Variants in MAN2A1 observed in about 807,000 individuals in gnomAD.
MAN2A1 encodes the protein alpha-mannosidase 2.
A neutral mutation model predicts 142.6 loss-of-function variants in MAN2A1; 76 were observed. That is an observed-to-expected ratio of 0.53 (90% CI 0.44 to 0.65). The LOEUF (loss-of-function observed/expected upper bound fraction) is 0.65. MAN2A1 is among the 30% of genes least tolerant of loss of function. MAN2A1 has a pLI of 0.00. For missense variants in MAN2A1, 1,311 were observed against 1,365.1 expected (o/e 0.96, Z 0.62); for synonymous variants, 559 against 473.2 (o/e 1.18, Z -2.35).
At chr5:109,847,289 A>G (rs1755367457) in intron 18 of MAN2A1, among the ~76,000 whole-genome samples, 1 of 152,116 alleles carries the variant, frequency 6.6e-6, no homozygotes, top group Non-Finnish European at 1.5e-5. Flanking sequence ...CCTCATAAGC[A>G]TTTTTGATTC....
At chr5:109,761,861 A>G (rs948336997) in intron 5 of MAN2A1, among the ~76,000 whole-genome samples, 35 of 152,060 alleles carry the variant, frequency 2.3e-4, no homozygotes, top group African/African-American at 8.2e-4. Flanking sequence ...TAAAATGTAA[A>G]TTGTATTATT....
At chr5:109,858,995 C>G (rs1755691723) in intron 20 of MAN2A1, among the ~76,000 whole-genome samples, 1 of 152,176 alleles carries the variant, frequency 6.6e-6, no homozygotes, top group African/African-American at 2.4e-5. Flanking sequence ...AACATAGAGA[C>G]TTTTACAGAT....
intron 9 of MAN2A1, among the ~76,000 whole-genome samples, chr5:109,783,495 T>C (rs1370460449): frequency 2.6e-5 from 4 of 152,188 alleles, no homozygotes; most frequent in Non-Finnish European, 5.9e-5. Context: ...TCAAGCTTAG[T>C]GATTGTTACT....
chr5:109,713,563 G>C lies in MAN2A1; in HGVS notation c.179G>C (p.Arg60Pro). The C allele has an allele frequency of 6.2e-7, 1 of 1,613,330 alleles. No individual in the cohort carries two copies. The highest frequency in any genetic ancestry group is 8.5e-7 in the Non-Finnish European group (1 of 1,179,376). Reference protein sequence around the residue: ...MLQEKIDHLERLLAENNEIIS... With the variant: ...MLQEKIDHLEPLLAENNEIIS... ...CAAGAAAAAATAGACCATTTGGAGCGTTTGCTAGCTGAGAATAATGAGATC... is the reference window on the plus strand; with the variant it reads ...CAAGAAAAAATAGACCATTTGGAGCCTTTGCTAGCTGAGAATAATGAGATC... Residue 60 changes from arginine (R) to proline (P), a missense_variant, in exon 2 of 22, where the codon CGT (arginine) becomes CCT (proline). Arg to Pro is a moderately radical substitution (Grantham distance 103). Transcript: ENST00000261483.
intron 10 of MAN2A1, among the ~76,000 whole-genome samples, chr5:109,786,601 T>C (rs570443393): frequency 3.9e-5 from 6 of 152,208 alleles, no homozygotes; most frequent in African/African-American, 1.4e-4. Flanking sequence ...TTTGCTATGT[T>C]AGTACTTCAC....
At chr5:109,799,315 T>C (rs1241058223) in intron 12 of MAN2A1, among the ~76,000 whole-genome samples, 2 of 152,208 alleles carry the variant, frequency 1.3e-5, no homozygotes, top group Non-Finnish European at 2.9e-5. Flanking sequence ...TCGCATCATC[T>C]CTTGCATCAG....
Position 109,845,978 on chromosome 5 carries a change from G to T in MAN2A1, c.2814G>T (p.Gln938His). The T allele has an allele frequency of 6.2e-7, 1 of 1,613,342 alleles. No homozygotes were observed. The highest frequency in any genetic ancestry group is 1.1e-5 in the South Asian group (1 of 90,982). ...AKHRLTLLSA[Q>H]SLGVSSLNSG... ...ATCGTTTGACACTGCTCTCTGCTCA[G>T]TCATTAGGGGTTTCGAGTTTGAATA... The change falls in exon 18 of 22, where the codon CAG becomes CAT. Residue 938 changes from glutamine to histidine, a missense_variant. This residue lies in a region of MAN2A1 where 890 missense variants were observed against 920.5 expected (regional missense o/e 0.97). Transcript: ENST00000261483.
chr5:109,741,392 A>G (rs138266917), intron 4 of MAN2A1, among the ~76,000 whole-genome samples: 2 of 152,286 alleles, frequency 1.3e-5, no homozygotes, highest in East Asian at 3.9e-4. Flanking sequence ...ATGTTTTTGG[A>G]GGAAAACTTA....
intron 7 of MAN2A1, among the ~76,000 whole-genome samples, chr5:109,774,102 C>T (rs1165314740): frequency 1.3e-5 from 2 of 152,098 alleles, no homozygotes; most frequent in African/African-American, 4.8e-5. Flanking sequence ...TGGTTAGAGT[C>T]CAGAGAAGTA....
chr5:109,847,900 A>T (rs1755383166), intron 19 of MAN2A1, 110 bp downstream of exon 19: 4 of 779,388 alleles, frequency 5.1e-6, no homozygotes, highest in Non-Finnish European at 7.3e-6. Context: ...CAATATTGAG[A>T]TTTCTTTATA....
chr5:109,793,681 T>C (rs1368620787), intron 12 of MAN2A1, among the ~76,000 whole-genome samples: 2 of 152,208 alleles, frequency 1.3e-5, no homozygotes, highest in African/African-American at 4.8e-5. Flanking sequence ...ATTTTAGTTT[T>C]ATACCATGAG....
intron 1 of MAN2A1, among the ~76,000 whole-genome samples, chr5:109,701,234 A>C (rs1181726994): frequency 6.6e-6 from 1 of 152,218 alleles, no homozygotes; most frequent in African/African-American, 2.4e-5. Context: ...GGCCTGGCTT[A>C]AGTTGACTAA....
chr5:109,827,411 C>T (rs779674765), intron 16 of MAN2A1, among the ~76,000 whole-genome samples: 30 of 152,272 alleles, frequency 2.0e-4, no homozygotes, highest in African/African-American at 5.1e-4. Flanking sequence ...TGTTCTTTGA[C>T]CCTTTTCTCC....
chr5:109,808,243 T>G (rs1484832370), intron 12 of MAN2A1, among the ~76,000 whole-genome samples: 2 of 152,208 alleles, frequency 1.3e-5, no homozygotes, highest in Non-Finnish European at 2.9e-5. Flanking sequence ...AATTTGTTTG[T>G]TTTTGATGTT....
At chr5:109,742,463 T>C (rs772371821) in intron 4 of MAN2A1, among the ~76,000 whole-genome samples, 1 of 152,212 alleles carries the variant, frequency 6.6e-6, no homozygotes, top group Non-Finnish European at 1.5e-5. Flanking sequence ...TTCCCCTAGG[T>C]TTATATTTAA....
In MAN2A1 at chr5:109,823,779, G is replaced by A. The variant is rs373265788; in HGVS notation, c.2508G>A (p.Ser836=). ...GAGTGACACATGGAAGGATTTATTC[G>A]GAAGTGACTTGCTTTTTTGACCATG... The part of the protein sequence containing the change: ...FVRVTHGRIY[S]EVTCFFDHVT... Residue 836 remains serine (S), a synonymous_variant, in exon 16 of 22, where the codon TCG becomes TCA. Coordinates refer to ENST00000261483, the MANE Select transcript of MAN2A1 (RefSeq NM_002372.4). The A allele has an allele frequency of 1.8e-5, 29 of 1,608,672 alleles. No homozygotes were observed. Among genetic ancestry groups the A allele is most frequent in the African/African-American group, 1.7e-4 (13 of 74,800 alleles).
At chr5:109,762,393 T>A (rs1752875908) in intron 5 of MAN2A1, among the ~76,000 whole-genome samples, 1 of 152,206 alleles carries the variant, frequency 6.6e-6, no homozygotes, top group South Asian at 2.1e-4. Context: ...TGTTTCTTTT[T>A]CTCTCAAGGA....
chr5:109,740,771 G>A lies in MAN2A1; in HGVS notation c.707+11258G>A, dbSNP rs142658704. Among the ~76,000 whole-genome samples the A allele has an allele frequency of 2.2e-3, 333 of 152,250 alleles. 4 individuals carry two copies. The highest frequency in any genetic ancestry group is 3.5e-3 in the Admixed American group (54 of 15,288). On this transcript the variant is annotated intron_variant, in intron 4 of 21. Coordinates refer to ENST00000261483, the MANE Select transcript of MAN2A1 (RefSeq NM_002372.4). ...GATTCCATGCTGATTTTTCATGCAG[G>A]GCAGTTGCAGGTCAGTACTTGAATT... is the stretch of plus-strand genomic sequence containing the variant.
intron 12 of MAN2A1, among the ~76,000 whole-genome samples, chr5:109,795,711 G>A (rs1476675182): frequency 2.6e-5 from 4 of 152,152 alleles, no homozygotes; most frequent in Non-Finnish European, 4.4e-5. Flanking sequence ...CTACCCCCAA[G>A]GCTTTCAAAT....
Sources: allele counts gnomAD v4.1 joint callset (sites outside exome capture counted in the v4.1 genomes callset), GRCh38; gene constraint gnomAD v4.1.1; regional missense constraint gnomAD v4.1.1; transcripts MANE v1.5; gene names NCBI Gene and HGNC (gene_info 2026-07-23, HGNC 2026-07-21).